NRG3: variants seen among roughly 807,000 people sequenced by gnomAD.
NRG3 encodes pro-neuregulin-3, membrane-bound isoform.
NRG3 carries 31 observed loss-of-function variants against 66.9 expected under a neutral mutation model. The observed-to-expected ratio is 0.46, with a 90% CI of 0.35 to 0.63. The LOEUF (loss-of-function observed/expected upper bound fraction) is 0.63. NRG3 is among the 20% of genes least tolerant of loss of function. The probability of loss-of-function intolerance (pLI) is 0.00; values close to 1 mark genes in which losing one functional copy is unlikely to be tolerated. For synonymous variants in NRG3, 393 were observed against 359.4 expected, an observed-to-expected ratio of 1.09 and a Z score of -1.06; for missense variants, 910 against 878.9, an observed-to-expected ratio of 1.04 and a Z score of -0.45.
chr10:82,395,170 C>T (rs573279739), intron 2 of NRG3, among the ~76,000 whole-genome samples: 4 of 152,238 alleles, frequency 2.6e-5, no homozygotes, highest in East Asian at 3.9e-4. Context: ...CAAAGTACAA[C>T]GCGTAAATGC....
At chr10:82,147,932 C>T (rs904476502) in intron 1 of NRG3, among the ~76,000 whole-genome samples, 5 of 152,040 alleles carry the variant, frequency 3.3e-5, no homozygotes, top group Non-Finnish European at 7.4e-5. Context: ...CTGGGCTCTT[C>T]GACAAGATAT....
At chr10:82,151,983 A>T (rs2070783230) in intron 1 of NRG3, among the ~76,000 whole-genome samples, 3 of 152,230 alleles carry the variant, frequency 2.0e-5, no homozygotes, top group Admixed American at 2.0e-4. Context: ...AATATAAAAT[A>T]CGTTAGCATA....
At chr10:81,957,999 T>A (rs1850000509) in intron 1 of NRG3, among the ~76,000 whole-genome samples, 1 of 152,198 alleles carries the variant, frequency 6.6e-6, no homozygotes, top group Admixed American at 6.5e-5. Flanking sequence ...TAGGGTGGCC[T>A]TTCCAGATTG....
intron 1 of NRG3, among the ~76,000 whole-genome samples, chr10:81,893,578 C>T (rs1019780074): frequency 6.6e-6 from 1 of 152,074 alleles, no homozygotes; most frequent in Non-Finnish European, 1.5e-5. Flanking sequence ...CCGTAAATCC[C>T]CTGATCGTCG....
intron 1 of NRG3, among the ~76,000 whole-genome samples, chr10:82,193,350 C>A (rs1301726355): frequency 6.6e-6 from 1 of 152,124 alleles, no homozygotes; most frequent in Admixed American, 6.5e-5. Context: ...GCCATGTTGG[C>A]CAAGCTGGTC....
At chr10:82,562,859 C>A (rs1565073576) in intron 2 of NRG3, among the ~76,000 whole-genome samples, 1 of 151,954 alleles carries the variant, frequency 6.6e-6, no homozygotes, top group African/African-American at 2.4e-5. Context: ...GTGGGGAGGG[C>A]ACCCTGGCTC....
rs532801658 is a variant in NRG3 at position 82,613,091 on chromosome 10, A to G, written c.954-125486A>G. ...TATTGACATAGTTGTTACTCAGTAG[A>G]TTACAAAAAAGAAAAATCTTGTATC... is the stretch of plus-strand genomic sequence containing the variant. On this transcript the variant is annotated intron_variant, in intron 2 of 8. Transcript: ENST00000372141. Among the ~76,000 whole-genome samples the G allele has an allele frequency of 2.0e-5, 3 of 152,316 alleles. No homozygotes were observed. The South Asian group carries it at 6.2e-4, about 32-fold the overall frequency.
chr10:82,776,476 C>T (rs2059916387), intron 3 of NRG3, among the ~76,000 whole-genome samples: 1 of 152,138 alleles, frequency 6.6e-6, no homozygotes, highest in Admixed American at 6.6e-5. Flanking sequence ...TCTCACCCAA[C>T]TTGGGAAGTC....
intron 2 of NRG3, among the ~76,000 whole-genome samples, chr10:82,640,446 A>G (rs1298360879): frequency 1.3e-5 from 2 of 152,134 alleles, no homozygotes; most frequent in South Asian, 2.1e-4. Flanking sequence ...GCCTGGTAAC[A>G]TTTCTTCATA....
At position 82,362,323 on chromosome 10, in the gene NRG3, GTA is replaced by G. The variant is rs533270151; in HGVS notation, c.953+3465_953+3466del. On this transcript the variant is annotated intron_variant, in intron 2 of 8. Coordinates refer to ENST00000372141, the MANE Select transcript of NRG3 (RefSeq NM_001010848.4). The stretch of plus-strand genomic sequence containing the variant: ...TTTTCCTAAATTCAAAATATAATGT[GTA>G]TATATATATGTGTGTGTGTGTGTGT... 1.5e-3 allele frequency among the ~76,000 whole-genome samples: 211 copies of G among 143,320 alleles called. 2 individuals are homozygous for G. The highest frequency in any genetic ancestry group is 1.5e-3 in the South Asian group (7 of 4,524). 94.0% of individuals were successfully genotyped at this position (143,320 alleles called of 152,430 possible). A position where few individuals can be genotyped will look rare whatever the true frequency, so the allele number is the denominator to read the frequency against.
At chr10:82,877,221 CAG>C (rs1007848866) in intron 4 of NRG3, among the ~76,000 whole-genome samples, 1 of 152,010 alleles carries the variant, frequency 6.6e-6, no homozygotes, top group Non-Finnish European at 1.5e-5. Context: ...TCTCAATAAG[CAG>C]AGTCTGTCTG....
chr10:82,328,087 G>T (rs1320411532), intron 1 of NRG3, among the ~76,000 whole-genome samples: 2 of 152,250 alleles, frequency 1.3e-5, no homozygotes, highest in Non-Finnish European at 2.9e-5. Flanking sequence ...GGTTGTGGGG[G>T]GGCACAATTT....
At chr10:82,823,809 T>C (rs530026042) in intron 3 of NRG3, among the ~76,000 whole-genome samples, 2 of 152,284 alleles carry the variant, frequency 1.3e-5, no homozygotes, top group African/African-American at 4.8e-5. Flanking sequence ...GTTCACTTGT[T>C]CCCTAGACCC....
At chr10:81,892,210 G>T (rs60870098) in intron 1 of NRG3, among the ~76,000 whole-genome samples, 3,132 of 152,054 alleles carry the variant, frequency 0.021, 65 homozygotes, top group East Asian at 0.1. Context: ...TGCCAAGTGT[G>T]TGTGTCTCTT....
At chr10:82,784,450 A>T (rs1311102563) in intron 3 of NRG3, among the ~76,000 whole-genome samples, 3 of 152,182 alleles carry the variant, frequency 2.0e-5, no homozygotes, top group Non-Finnish European at 4.4e-5. Context: ...AATTTTTGCA[A>T]CCTACTCATC....
intron 2 of NRG3, among the ~76,000 whole-genome samples, chr10:82,377,870 G>A (rs1470918666): frequency 2.6e-5 from 4 of 152,184 alleles, no homozygotes; most frequent in Admixed American, 1.3e-4. Context: ...GATTTTTGGA[G>A]GATTACCACT....
chr10:82,954,262 T>G (rs1849817468), intron 5 of NRG3, among the ~76,000 whole-genome samples: 1 of 151,930 alleles, frequency 6.6e-6, no homozygotes, highest in South Asian at 2.1e-4. Flanking sequence ...TAATGTGTAG[T>G]TGTACCACAT....
intron 4 of NRG3, among the ~76,000 whole-genome samples, chr10:82,890,343 C>G (rs1843045709): frequency 6.6e-6 from 1 of 152,052 alleles, no homozygotes; most frequent in Non-Finnish European, 1.5e-5. Context: ...CCTTTCTACT[C>G]ACAGTACTTC....
At chr10:81,915,811 T>C (rs138817337) in intron 1 of NRG3, among the ~76,000 whole-genome samples, 48 of 152,186 alleles carry the variant, frequency 3.2e-4, no homozygotes, top group Middle Eastern at 6.8e-3. Context: ...ATGGTGATAA[T>C]TGTTCTGTCC....
Sources: gnomAD v4.1 joint callset for allele counts (sites outside exome capture counted in the v4.1 genomes callset) on GRCh38, gnomAD v4.1.1 for gene constraint, MANE v1.5 for transcripts, NCBI Gene and HGNC (gene_info 2026-07-23, HGNC 2026-07-21) for gene names.